Variants in CLSTN2 observed in about 807,000 individuals in gnomAD.
CLSTN2 encodes calsyntenin 2.
A neutral mutation model predicts 101.2 loss-of-function variants in CLSTN2; 48 were observed. That is an observed-to-expected ratio of 0.47 (90% confidence interval 0.38 to 0.60). CLSTN2 has a LOEUF of 0.60. Ranked by LOEUF, CLSTN2 falls within the 20% of genes least tolerant of loss-of-function variation. The pLI is 0.00. For missense variants in CLSTN2, 1,160 were observed against 1,238.2 expected (o/e 0.94, Z 0.95); for synonymous variants, 481 against 463.6 (o/e 1.04, Z -0.48).
chr3:140,212,871 C>A (rs1362415887), intron 2 of CLSTN2, among the ~76,000 whole-genome samples: 3 of 152,170 alleles, frequency 2.0e-5, no homozygotes, highest in African/African-American at 7.2e-5. Flanking sequence ...GCTGTGTGCC[C>A]CCTCACAGTG....
At chr3:140,044,924 C>T (rs931052523) in intron 1 of CLSTN2, among the ~76,000 whole-genome samples, 3 of 151,924 alleles carry the variant, frequency 2.0e-5, no homozygotes, top group East Asian at 1.9e-4. Flanking sequence ...CTGCTGGATT[C>T]GGTTTGCCAA....
intron 9 of CLSTN2, among the ~76,000 whole-genome samples, chr3:140,534,585 CCA>C (rs1294904917): frequency 6.6e-6 from 1 of 152,212 alleles, no homozygotes; most frequent in Non-Finnish European, 1.5e-5. Flanking sequence ...TCCGCCTTAT[CCA>C]CAGTCAGTAG....
intron 2 of CLSTN2, among the ~76,000 whole-genome samples, chr3:140,397,626 A>T (rs1224153875): frequency 1.3e-5 from 2 of 152,184 alleles, no homozygotes; most frequent in Non-Finnish European, 2.9e-5. Flanking sequence ...GTAACCTCAC[A>T]TGGCTGAAGA....
At chr3:140,184,408 TGA>T (rs981402953) in intron 2 of CLSTN2, among the ~76,000 whole-genome samples, 2 of 151,804 alleles carry the variant, frequency 1.3e-5, no homozygotes, top group African/African-American at 4.8e-5. Flanking sequence ...TGGTAGCAGG[TGA>T]GAGAGAGAGT....
chr3:140,230,580 T>A (rs1242671757), intron 2 of CLSTN2, among the ~76,000 whole-genome samples: 1 of 152,154 alleles, frequency 6.6e-6, no homozygotes, highest in African/African-American at 2.4e-5. Context: ...GAGACTCCCA[T>A]CCTTTCCACC....
intron 2 of CLSTN2, among the ~76,000 whole-genome samples, chr3:140,248,824 T>G (rs2107873850): frequency 6.6e-6 from 1 of 152,344 alleles, no homozygotes; most frequent in South Asian, 2.1e-4. Context: ...TCTACAGATT[T>G]TCAAGTCAGG....
intron 1 of CLSTN2, among the ~76,000 whole-genome samples, chr3:140,164,522 C>G (rs1023747975): frequency 6.6e-6 from 1 of 152,122 alleles, no homozygotes; most frequent in Non-Finnish European, 1.5e-5. Flanking sequence ...AGGCCTGGGA[C>G]GTTTGAAAGA....
At chr3:140,525,548 GAGA>G (rs1168104123) in intron 8 of CLSTN2, among the ~76,000 whole-genome samples, 2 of 152,220 alleles carry the variant, frequency 1.3e-5, no homozygotes, top group African/African-American at 4.8e-5. Context: ...AAAAATTGAA[GAGA>G]AGGAGCTCCT....
At chr3:140,451,486 A>T (rs549171049) in intron 6 of CLSTN2, among the ~76,000 whole-genome samples, 221 of 152,198 alleles carry the variant, frequency 1.5e-3, no homozygotes, top group African/African-American at 5.2e-3. Context: ...ACTGCCCCCC[A>T]CACCTATGGT....
chr3:140,052,817 C>T (rs543065759), intron 1 of CLSTN2, among the ~76,000 whole-genome samples: 1 of 152,258 alleles, frequency 6.6e-6, no homozygotes, highest in African/African-American at 2.4e-5. Context: ...TGCCTATTCA[C>T]AGGCTGTGTG....
chr3:140,563,499 C>G (rs10935386), intron 15 of CLSTN2, among the ~76,000 whole-genome samples: 1 of 151,864 alleles, frequency 6.6e-6, no homozygotes, highest in Non-Finnish European at 1.5e-5. Flanking sequence ...CATGAGCCCT[C>G]TACACACACT....
chr3:140,565,119 A>G (rs1010776804), intron 16 of CLSTN2, among the ~76,000 whole-genome samples: 1 of 152,194 alleles, frequency 6.6e-6, no homozygotes, highest in Admixed American at 6.5e-5. Context: ...AAACAAGACC[A>G]CTATACCTGG....
chr3:140,440,553 GGGCT>G (rs2088750835), intron 5 of CLSTN2, among the ~76,000 whole-genome samples: 3 of 152,142 alleles, frequency 2.0e-5, no homozygotes, highest in Admixed American at 6.5e-5. Flanking sequence ...GTCAGATACA[GGGCT>G]AAGTGGTTTG....
At chr3:140,183,503 C>T (rs545934409) in intron 2 of CLSTN2, among the ~76,000 whole-genome samples, 64 of 152,264 alleles carry the variant, frequency 4.2e-4, no homozygotes, top group Non-Finnish European at 1.3e-4. Context: ...GAGTTAATGA[C>T]AATACTCTAC....
intron 5 of CLSTN2, among the ~76,000 whole-genome samples, chr3:140,435,581 A>G (rs1159469095): frequency 6.6e-6 from 1 of 152,230 alleles, no homozygotes; most frequent in African/African-American, 2.4e-5. Flanking sequence ...TGGGGTATAT[A>G]CCTAGGAATC....
At chr3:140,189,730 C>T (rs563394610) in intron 2 of CLSTN2, among the ~76,000 whole-genome samples, 2 of 152,196 alleles carry the variant, frequency 1.3e-5, no homozygotes, top group South Asian at 4.2e-4. Context: ...AAAACCTGTA[C>T]AGTTAGGTTG....
chr3:140,123,836 G>A (rs201820450), intron 1 of CLSTN2, among the ~76,000 whole-genome samples: 1 of 84,528 alleles, frequency 1.2e-5, no homozygotes, highest in Non-Finnish European at 2.4e-5. Context: ...ATATATGTAT[G>A]TATATGTGTG....
chr3:140,133,643 T>C (rs1052183067), intron 1 of CLSTN2, among the ~76,000 whole-genome samples: 1 of 152,174 alleles, frequency 6.6e-6, no homozygotes, highest in Admixed American at 6.5e-5. Flanking sequence ...GAGGCTGCCC[T>C]CGTTGCCAGA....
At chr3:140,225,969 G>T (rs2086316171) in intron 2 of CLSTN2, among the ~76,000 whole-genome samples, 1 of 152,044 alleles carries the variant, frequency 6.6e-6, no homozygotes, top group African/African-American at 2.4e-5. Context: ...TATTGCTGGG[G>T]ATTTTATTGG....
Sources: allele counts gnomAD v4.1 joint callset (sites outside exome capture counted in the v4.1 genomes callset), GRCh38; gene constraint gnomAD v4.1.1; transcripts MANE v1.5; gene names NCBI Gene and HGNC (gene_info 2026-07-23, HGNC 2026-07-21).